Variants in VWC2L observed in about 807,000 individuals in gnomAD.
The protein encoded by VWC2L is von Willebrand factor C domain containing 2 like.
Under a neutral mutation model 21.6 loss-of-function variants are expected in VWC2L, and 10 were observed. That is an observed-to-expected ratio of 0.46 (90% CI 0.29 to 0.78). The LOEUF is 0.78. Among genes scored for constraint, VWC2L ranks in the 30% least tolerant of loss-of-function variants. VWC2L has a pLI of 0.10. For synonymous variants in VWC2L, 96 were observed against 94.3 expected, an observed-to-expected ratio of 1.02 and a Z score of -0.10; for missense variants, 209 against 277.1, an observed-to-expected ratio of 0.75 and a Z score of 1.74.
At chr2:214,536,951 A>C (rs1233259863) in intron 3 of VWC2L, 2 of 148,230 alleles carry the variant, frequency 1.3e-5, no homozygotes, top group Non-Finnish European at 3.0e-5. Context: ...AATGCCTCTC[A>C]CCACCCACCC....
chr2:214,425,761 C>A (rs1702511862), intron 2 of VWC2L, among the ~76,000 whole-genome samples: 1 of 151,906 alleles, frequency 6.6e-6, no homozygotes, highest in Non-Finnish European at 1.5e-5. Context: ...GTGGGCTATA[C>A]CAAAATATAG....
At chr2:214,511,197 C>G (rs1303986894) in intron 3 of VWC2L, among the ~76,000 whole-genome samples, 1 of 151,926 alleles carries the variant, frequency 6.6e-6, no homozygotes, top group East Asian at 1.9e-4. Context: ...CTCAGAAGAC[C>G]AAGGCTACAG....
At chr2:214,460,801 G>GT (rs35895675) in intron 3 of VWC2L, among the ~76,000 whole-genome samples, 5 of 147,728 alleles carry the variant, frequency 3.4e-5, no homozygotes, top group Non-Finnish European at 7.5e-5. Context: ...GAATTATTGT[G>GT]TTTTTTTAGG....
At chr2:214,443,107 G>A (rs917975153) in intron 3 of VWC2L, among the ~76,000 whole-genome samples, 7 of 152,104 alleles carry the variant, frequency 4.6e-5, no homozygotes, top group African/African-American at 9.7e-5. Context: ...AAGGCCGGGC[G>A]TGGTGGCTCT....
intron 3 of VWC2L, among the ~76,000 whole-genome samples, chr2:214,487,379 C>T (rs1398692362): frequency 2.0e-5 from 3 of 151,954 alleles, no homozygotes; most frequent in African/African-American, 7.3e-5. Flanking sequence ...TGGTCAGTTG[C>T]TGGGGCTACA....
chr2:214,548,246 G>C (rs1190530888), intron 3 of VWC2L, among the ~76,000 whole-genome samples: 1 of 152,022 alleles, frequency 6.6e-6, no homozygotes. Flanking sequence ...CCTGTATTAT[G>C]GGTGTTCCGT....
chr2:214,481,655 G>A (rs1688605297), intron 3 of VWC2L, among the ~76,000 whole-genome samples: 2 of 152,174 alleles, frequency 1.3e-5, no homozygotes, highest in South Asian at 2.1e-4. Context: ...ACAAATAATA[G>A]TTTGACATCT....
At chr2:214,461,380 C>CTCTAGTGTTA in intron 3 of VWC2L, among the ~76,000 whole-genome samples, 1 of 152,148 alleles carries the variant, frequency 6.6e-6, no homozygotes, top group South Asian at 2.1e-4. Flanking sequence ...AGGGGGAACA[C>CTCTAGTGTTA]TCTAGTGTTA....
chr2:214,436,907 T>A, intron 3 of VWC2L, 149 bp downstream of exon 3: 2 of 993,636 alleles, frequency 2.0e-6, no homozygotes, highest in Non-Finnish European at 2.9e-6. Flanking sequence ...TATCCCATCT[T>A]AAAGTGAAAA....
At chr2:214,490,575 C>A (rs976296732) in intron 3 of VWC2L, among the ~76,000 whole-genome samples, 3 of 152,120 alleles carry the variant, frequency 2.0e-5, no homozygotes, top group Non-Finnish European at 4.4e-5. Flanking sequence ...GCAGCTACTA[C>A]TCAAAGTGAT....
intron 3 of VWC2L, among the ~76,000 whole-genome samples, chr2:214,439,502 AG>A (rs1329106118): frequency 1.4e-4 from 22 of 152,010 alleles, no homozygotes; most frequent in African/African-American, 5.1e-4. Flanking sequence ...ACCTATAAAC[AG>A]TCATAACATT....
chr2:214,418,187 A>G (rs747992220), intron 2 of VWC2L, among the ~76,000 whole-genome samples: 3 of 152,134 alleles, frequency 2.0e-5, no homozygotes, highest in Non-Finnish European at 4.4e-5. Context: ...CTCCTTCCGT[A>G]TGTTCCCACG....
chr2:214,412,306 A>G (rs1399611626), intron 1 of VWC2L, among the ~76,000 whole-genome samples: 1 of 152,130 alleles, frequency 6.6e-6, no homozygotes, highest in African/African-American at 2.4e-5. Flanking sequence ...ATGCATTGAC[A>G]GATATTGCTG....
intron 3 of VWC2L, among the ~76,000 whole-genome samples, chr2:214,502,101 C>T (rs1688901226): frequency 6.6e-6 from 1 of 152,208 alleles, no homozygotes; most frequent in African/African-American, 2.4e-5. Flanking sequence ...ATAACCAAAA[C>T]AATTAAACAC....
chr2:214,577,138 C>T lies in VWC2L; in HGVS notation c.*1318C>T, dbSNP rs897893754. 3 of 152,090 alleles carry T rather than the reference C, an allele frequency of 2.0e-5. No individual in the cohort carries two copies. The highest frequency in any genetic ancestry group is 2.9e-5 in the Non-Finnish European group (2 of 68,020). 9.4% of individuals were successfully genotyped at this position (152,090 alleles called of 1,614,324 possible). A position where few individuals can be genotyped will look rare whatever the true frequency, so the allele number is the denominator to read the frequency against. ...TCTGAAACCACATGGCATAGTTAGT[C>T]GCTTATTCCATGCTCCTGCCCTAAA... On this transcript the variant is annotated 3_prime_UTR_variant, in exon 4 of 4. Coordinates refer to ENST00000312504, the MANE Select transcript of VWC2L (RefSeq NM_001080500.4).
In VWC2L at chr2:214,512,870, C is replaced by G. The variant is rs184639952; in HGVS notation, c.521-62802C>G. Among the ~76,000 whole-genome samples, 12 of 152,226 alleles carry G rather than the reference C, an allele frequency of 7.9e-5. No individual in the cohort carries two copies. In the East Asian group the frequency reaches 2.1e-3, roughly 27 times the overall value. On this transcript the variant is annotated intron_variant, in intron 3 of 3. Transcript: ENST00000312504. ...AGAAGTAAAATGATCACATAAACTA[C>G]AGTATCTAAGTAAAATACGTGCTAA...
intron 3 of VWC2L, among the ~76,000 whole-genome samples, chr2:214,475,282 G>C (rs1009905766): frequency 6.6e-6 from 1 of 152,066 alleles, no homozygotes; most frequent in East Asian, 1.9e-4. Flanking sequence ...GCTGGGCAAG[G>C]AACAAAGGTA....
intron 3 of VWC2L, among the ~76,000 whole-genome samples, chr2:214,555,429 G>A (rs532100522): frequency 6.6e-6 from 1 of 152,100 alleles, no homozygotes; most frequent in Non-Finnish European, 1.5e-5. Context: ...ATATTTTAGA[G>A]TTTGATTCTT....
chr2:214,505,294 G>A (rs971409950), intron 3 of VWC2L, among the ~76,000 whole-genome samples: 2 of 152,088 alleles, frequency 1.3e-5, no homozygotes, highest in Non-Finnish European at 2.9e-5. Context: ...GTTTACTTGA[G>A]ATTCTACCTA....
Sources: gnomAD v4.1 joint callset for allele counts (sites outside exome capture counted in the v4.1 genomes callset) on GRCh38, gnomAD v4.1.1 for gene constraint, MANE v1.5 for transcripts, NCBI Gene and HGNC (gene_info 2026-07-23, HGNC 2026-07-21) for gene names.